The following ST6GALNAC3 variants were observed in gnomAD, a reference collection of about 807,000 sequenced individuals.
ST6GALNAC3 encodes alpha-N-acetylgalactosaminide alpha-2,6-sialyltransferase 3.
In ST6GALNAC3, 25 loss-of-function variants were observed where a neutral mutation model predicts 32.7. The ratio of observed to expected loss-of-function variants is 0.76; its 90% CI spans 0.56 to 1.07. The LOEUF is 1.07. Ranked by LOEUF, ST6GALNAC3 falls within the 50% of genes least tolerant of loss-of-function variation. The pLI is 0.00. For missense variants in ST6GALNAC3, 355 were observed against 382.4 expected, an observed-to-expected ratio of 0.93 and a Z score of 0.60; for synonymous variants, 129 against 133.1, an observed-to-expected ratio of 0.97 and a Z score of 0.21.
chr1:76,429,685 C>G (rs1486179133), intron 3 of ST6GALNAC3, among the ~76,000 whole-genome samples: 1 of 152,134 alleles, frequency 6.6e-6, no homozygotes, highest in Non-Finnish European at 1.5e-5. Context: ...GGGTTTCCAA[C>G]TGCTCAGGTT....
At chr1:76,532,507 C>T (rs12066065) in intron 3 of ST6GALNAC3, among the ~76,000 whole-genome samples, 3 of 151,978 alleles carry the variant, frequency 2.0e-5, no homozygotes, top group East Asian at 1.9e-4. Flanking sequence ...ATATCCCCTA[C>T]GAACGACAAC....
At chr1:76,491,450 G>T (rs951316805) in intron 3 of ST6GALNAC3, among the ~76,000 whole-genome samples, 4 of 152,094 alleles carry the variant, frequency 2.6e-5, no homozygotes, top group African/African-American at 9.7e-5. Flanking sequence ...TTCTTCCACA[G>T]TCTCTAGGAA....
intron 3 of ST6GALNAC3, among the ~76,000 whole-genome samples, chr1:76,585,524 C>G (rs1646950003): frequency 1.3e-5 from 2 of 152,156 alleles, no homozygotes; most frequent in African/African-American, 4.8e-5. Flanking sequence ...TAAGCGCAGA[C>G]ACCACCTCCA....
chr1:76,182,899 T>C (rs1204703330), intron 1 of ST6GALNAC3, among the ~76,000 whole-genome samples: 1 of 152,166 alleles, frequency 6.6e-6, no homozygotes, highest in Non-Finnish European at 1.5e-5. Context: ...AAAACAACTT[T>C]AGTCATTTGA....
At chr1:76,160,991 T>A (rs1651768940) in intron 1 of ST6GALNAC3, among the ~76,000 whole-genome samples, 1 of 152,264 alleles carries the variant, frequency 6.6e-6, no homozygotes, top group African/African-American at 2.4e-5. Flanking sequence ...GCCACTTATG[T>A]AAAGGACCCA....
intron 3 of ST6GALNAC3, among the ~76,000 whole-genome samples, chr1:76,572,756 C>A (rs1393895547): frequency 6.6e-6 from 1 of 152,008 alleles, no homozygotes; most frequent in Non-Finnish European, 1.5e-5. Flanking sequence ...TCAAGAAGGC[C>A]CAAATTAGTG....
chr1:76,439,335 G>C (rs985341680), intron 3 of ST6GALNAC3, among the ~76,000 whole-genome samples: 1 of 152,114 alleles, frequency 6.6e-6, no homozygotes, highest in Non-Finnish European at 1.5e-5. Flanking sequence ...TGTTCCAAGA[G>C]GCTCTTAACT....
At chr1:76,160,616 G>A (rs1041292596) in intron 1 of ST6GALNAC3, among the ~76,000 whole-genome samples, 2 of 152,170 alleles carry the variant, frequency 1.3e-5, no homozygotes, top group African/African-American at 2.4e-5. Context: ...TAGCCAGGCT[G>A]TGAACTGTTC....
chr1:76,434,946 A>G (rs1432614291), intron 3 of ST6GALNAC3, among the ~76,000 whole-genome samples: 1 of 151,420 alleles, frequency 6.6e-6, no homozygotes, highest in African/African-American at 2.4e-5. Flanking sequence ...ATGCATCACG[A>G]GGCCCAGTTA....
intron 1 of ST6GALNAC3, among the ~76,000 whole-genome samples, chr1:76,104,073 C>T (rs1424552213): frequency 6.6e-6 from 1 of 152,128 alleles, no homozygotes; most frequent in Non-Finnish European, 1.5e-5. Flanking sequence ...AATAGGAAGA[C>T]TTTTTACAAA....
chr1:76,219,347 A>G (rs1310613975), intron 1 of ST6GALNAC3, among the ~76,000 whole-genome samples: 2 of 152,130 alleles, frequency 1.3e-5, no homozygotes, highest in African/African-American at 2.4e-5. Context: ...CTTTTCATCA[A>G]CCTAGAAAAC....
At chr1:76,286,290 G>A (rs779974621) in intron 1 of ST6GALNAC3, among the ~76,000 whole-genome samples, 23 of 152,208 alleles carry the variant, frequency 1.5e-4, no homozygotes, top group Non-Finnish European at 2.9e-4. Flanking sequence ...AAACCACAGT[G>A]TAAAATCACA....
chr1:76,398,029 C>G (rs1653112423), intron 2 of ST6GALNAC3, among the ~76,000 whole-genome samples: 1 of 152,026 alleles, frequency 6.6e-6, no homozygotes, highest in African/African-American at 2.4e-5. Context: ...GTAGAGCTTC[C>G]AGAACAGTGT....
chr1:76,405,466 T>C (rs1208871374), intron 2 of ST6GALNAC3, among the ~76,000 whole-genome samples: 2 of 152,094 alleles, frequency 1.3e-5, no homozygotes, highest in African/African-American at 2.4e-5. Context: ...TCAGAAAGGA[T>C]AGGGCAATTT....
intron 1 of ST6GALNAC3, among the ~76,000 whole-genome samples, chr1:76,162,970 C>T (rs756032938): frequency 2.6e-5 from 4 of 152,154 alleles, no homozygotes; most frequent in Non-Finnish European, 5.9e-5. Context: ...GGAGAGCATG[C>T]GCTCTGTTTT....
intron 3 of ST6GALNAC3, among the ~76,000 whole-genome samples, chr1:76,446,365 G>C (rs1313960524): frequency 6.6e-6 from 1 of 152,066 alleles, no homozygotes; most frequent in Non-Finnish European, 1.5e-5. Context: ...AAGTGTATGT[G>C]AGCATGTACT....
At chr1:76,337,350 G>A (rs923028644) in intron 2 of ST6GALNAC3, among the ~76,000 whole-genome samples, 5 of 152,170 alleles carry the variant, frequency 3.3e-5, no homozygotes, top group Non-Finnish European at 7.3e-5. Flanking sequence ...CTAGCAAACC[G>A]CGGAAGCTAC....
chr1:76,481,007 A>T (rs75866179), intron 3 of ST6GALNAC3, among the ~76,000 whole-genome samples: 5,340 of 152,202 alleles, frequency 0.035, 147 homozygotes, highest in Admixed American at 0.072. Context: ...CAGACCACAT[A>T]CTTCAAACCC....
intron 1 of ST6GALNAC3, among the ~76,000 whole-genome samples, chr1:76,185,714 A>G (rs61773762): frequency 0.11 from 16,350 of 152,194 alleles, 1,021 homozygotes; most frequent in Non-Finnish European, 0.14. Flanking sequence ...CACAGAGACG[A>G]ACAGACCAGA....
Sources: gnomAD v4.1 joint callset for allele counts (sites outside exome capture counted in the v4.1 genomes callset) on GRCh38, gnomAD v4.1.1 for gene constraint, MANE v1.5 for transcripts, NCBI Gene and HGNC (gene_info 2026-07-23, HGNC 2026-07-21) for gene names.